SERPINB7: variants seen among roughly 807,000 people sequenced by gnomAD.
SERPINB7 encodes serpin B7.
A neutral mutation model predicts 37.4 loss-of-function variants in SERPINB7; 31 were observed. The observed-to-expected ratio is 0.83, with a 90% CI of 0.62 to 1.12. The LOEUF is 1.12. SERPINB7 is among the 50% of genes most tolerant of loss of function. The probability of loss-of-function intolerance (pLI) is 0.00; values close to 1 mark genes in which losing one functional copy is unlikely to be tolerated. For missense variants in SERPINB7, 521 were observed against 455.3 expected (o/e 1.14, Z -1.31); for synonymous variants, 163 against 166.1 (o/e 0.98, Z 0.14).
chr18:63,794,303 A>C (rs955572042), intron 4 of SERPINB7, among the ~76,000 whole-genome samples: 2 of 151,356 alleles, frequency 1.3e-5, no homozygotes, highest in South Asian at 2.1e-4. Flanking sequence ...CATCTATATA[A>C]CTATCCTGTC....
chr18:63,774,176 A>G (rs1481297843), upstream of SERPINB7, among the ~76,000 whole-genome samples: 2 of 152,048 alleles, frequency 1.3e-5, no homozygotes, highest in Admixed American at 1.3e-4. Flanking sequence ...ATTTTCTGCA[A>G]CTTTACTTTT....
At chr18:63,796,501 T>C in intron 5 of SERPINB7, 118 bp downstream of exon 5, 1 of 573,452 alleles carries the variant, frequency 1.7e-6, no homozygotes, top group Non-Finnish European at 3.1e-6. Context: ...TTCAAAGTAA[T>C]GATTGCTGCT....
At chr18:63,773,458 G>A (rs1352673066), upstream of SERPINB7, among the ~76,000 whole-genome samples, 5 of 151,954 alleles carry the variant, frequency 3.3e-5, no homozygotes, top group South Asian at 2.1e-4. Flanking sequence ...CCATGCCCTC[G>A]CCATTAGTAT....
chr18:63,761,949 T>C (rs17780996), intron 1 of SERPINB7, among the ~76,000 whole-genome samples: 5,410 of 152,322 alleles, frequency 0.036, 162 homozygotes, highest in African/African-American at 0.075. Context: ...AGGTCTGACC[T>C]GATCCAACTT....
intron 2 of SERPINB7, among the ~76,000 whole-genome samples, chr18:63,783,397 G>A (rs1340545048): frequency 2.6e-5 from 4 of 152,100 alleles, no homozygotes; most frequent in Admixed American, 1.3e-4. Context: ...TGCACATGAA[G>A]GGTTGAAAAC....
rs1276778061 is a variant in SERPINB7 at position 63,775,495 on chromosome 18, A to C, written c.-240A>C. The C allele has an allele frequency of 6.6e-6, 1 of 152,168 alleles. No individual in the cohort carries two copies. The highest frequency in any genetic ancestry group is 1.5e-5 in the Non-Finnish European group (1 of 68,020). 9.4% of individuals were successfully genotyped at this position (152,168 alleles called of 1,614,324 possible). A position where few individuals can be genotyped will look rare whatever the true frequency, so the allele number is the denominator to read the frequency against. On this transcript the variant is annotated 5_prime_UTR_variant, in exon 1 of 8. Coordinates refer to ENST00000398019, the MANE Select transcript of SERPINB7 (RefSeq NM_003784.4). ...TAAAACTGAATTCTCAGAATTTTAG[A>C]ACAAATTTTTGTCTAGAAATGCTGA...
At chr18:63,782,926 C>T (rs1316851681) in intron 2 of SERPINB7, among the ~76,000 whole-genome samples, 1 of 151,784 alleles carries the variant, frequency 6.6e-6, no homozygotes, top group Non-Finnish European at 1.5e-5. Context: ...ATCACGAGGT[C>T]AGGAGATCGA....
intron 2 of SERPINB7, among the ~76,000 whole-genome samples, chr18:63,783,818 T>G (rs2049337877): frequency 6.6e-6 from 1 of 152,216 alleles, no homozygotes; most frequent in Non-Finnish European, 1.5e-5. Flanking sequence ...CTGAAGGGCT[T>G]GCCAGAGGAA....
At chr18:63,794,560 G>A (rs1444174148) in intron 4 of SERPINB7, among the ~76,000 whole-genome samples, 2 of 152,044 alleles carry the variant, frequency 1.3e-5, no homozygotes, top group East Asian at 3.9e-4. Context: ...CGCGGTGGCA[G>A]GCGCCTGTAG....
intron 1 of SERPINB7, among the ~76,000 whole-genome samples, chr18:63,765,038 A>G (rs149118352): frequency 3.4e-4 from 52 of 152,320 alleles, no homozygotes; most frequent in African/African-American, 1.2e-3. Context: ...CAAATTGCAG[A>G]ATTTGTTTAT....
At position 63,804,432 on chromosome 18, in the gene SERPINB7, G is replaced by A; in HGVS notation, c.940G>A (p.Gly314Ser). The A allele has an allele frequency of 1.2e-6, 2 of 1,613,704 alleles. No individual in the cohort carries two copies. Among genetic ancestry groups the A allele is most frequent in the Non-Finnish European group, 1.7e-6 (2 of 1,179,812 alleles). ...AGATCTCTCTGGGATTGCTTCGGGGGGTCGTCTGTATATATCAAGGATGAT... is the reference window on the plus strand; with the variant it reads ...AGATCTCTCTGGGATTGCTTCGGGGAGTCGTCTGTATATATCAAGGATGAT... Reference protein sequence around the residue: ...KADLSGIASGGRLYISRMMHK... With the variant: ...KADLSGIASGSRLYISRMMHK... Residue 314 changes from glycine (G) to serine (S), a missense_variant, in exon 8 of 8, where the codon GGT (glycine) becomes AGT (serine). Gly to Ser is a moderately conservative substitution (Grantham distance 56). Transcript: ENST00000398019.
chr18:63,803,270 A>G (rs1457782507), intron 7 of SERPINB7, among the ~76,000 whole-genome samples: 1 of 152,160 alleles, frequency 6.6e-6, no homozygotes, highest in Non-Finnish European at 1.5e-5. Flanking sequence ...ACAGGGTAAA[A>G]ATATATTACA....
intron 2 of SERPINB7, 46 bp downstream of exon 2, chr18:63,782,586 C>T (rs1443987886): frequency 1.1e-5 from 17 of 1,525,940 alleles, no homozygotes; most frequent in African/African-American, 1.4e-5. Flanking sequence ...AATTGTTTTT[C>T]CCACGAGAAC....
chr18:63,798,536 G>T, intron 5 of SERPINB7, 68 bp from the exon 6 acceptor site: 1 of 1,260,322 alleles, frequency 7.9e-7, no homozygotes, highest in Non-Finnish European at 1.1e-6. Flanking sequence ...ACCAATTAAT[G>T]GTCTTTTTAA....
intron 1 of SERPINB7, among the ~76,000 whole-genome samples, chr18:63,782,033 T>G (rs2049305601): frequency 6.6e-6 from 1 of 152,210 alleles, no homozygotes; most frequent in Non-Finnish European, 1.5e-5. Context: ...ATATTTACTT[T>G]TGCTCTATTT....
intron 6 of SERPINB7, 67 bp downstream of exon 6, chr18:63,798,813 T>C (rs1320938650): frequency 6.7e-7 from 1 of 1,485,928 alleles, no homozygotes; most frequent in Admixed American, 1.9e-5. Context: ...AGGACTGTGA[T>C]AGTTACATAG....
chr18:63,780,960 C>T (rs1266591596), intron 1 of SERPINB7, among the ~76,000 whole-genome samples: 2 of 152,164 alleles, frequency 1.3e-5, no homozygotes, highest in South Asian at 2.1e-4. Context: ...AGCTTCAACT[C>T]ATTGAACGTC....
chr18:63,753,536 G>A (rs1208731168), intron 1 of SERPINB7, among the ~76,000 whole-genome samples: 1 of 152,124 alleles, frequency 6.6e-6, no homozygotes, highest in Non-Finnish European at 1.5e-5. Context: ...TATCTCTGGT[G>A]TCACAGACCT....
upstream of SERPINB7, among the ~76,000 whole-genome samples, chr18:63,771,916 G>GA (rs111343532): frequency 7.9e-4 from 116 of 146,212 alleles, 1 homozygote; most frequent in African/African-American, 2.2e-3. Context: ...GTTCAAAAAG[G>GA]AAAAAAAAAA....
Sources: allele counts gnomAD v4.1 joint callset (sites outside exome capture counted in the v4.1 genomes callset), GRCh38; gene constraint gnomAD v4.1.1; transcripts MANE v1.5; gene names NCBI Gene and HGNC (gene_info 2026-07-23, HGNC 2026-07-21).